TOPAZ1: variants seen among roughly 807,000 people sequenced by gnomAD.
TOPAZ1 encodes protein TOPAZ1.
Under a neutral mutation model 172.2 loss-of-function variants are expected in TOPAZ1, and 66 were observed. The observed-to-expected ratio is 0.38, with a 90% CI of 0.31 to 0.47. TOPAZ1 has a LOEUF of 0.47. Among genes scored for constraint, TOPAZ1 ranks in the 20% least tolerant of loss-of-function variants. The pLI is 0.99. For missense variants in TOPAZ1, 1,822 were observed against 1,972.4 expected (o/e 0.92, Z 1.44); for synonymous variants, 681 against 683.9 (o/e 1.00, Z 0.07).
intron 2 of TOPAZ1, among the ~76,000 whole-genome samples, chr3:44,254,671 C>T (rs1007221897): frequency 4.7e-5 from 7 of 149,776 alleles, no homozygotes; most frequent in African/African-American, 1.7e-4. Context: ...AACACTATCT[C>T]GTATTGGTGT....
chr3:44,288,533 A>G (rs1402940603), intron 11 of TOPAZ1, among the ~76,000 whole-genome samples: 3 of 152,048 alleles, frequency 2.0e-5, no homozygotes, highest in Admixed American at 2.0e-4. Context: ...AACACACAAA[A>G]AATTAGCCGG....
intron 12 of TOPAZ1, 88 bp from the exon 13 acceptor site, chr3:44,303,927 C>A: frequency 1.4e-6 from 1 of 714,782 alleles, no homozygotes; most frequent in Non-Finnish European, 2.2e-6. Flanking sequence ...CTTCTGGTTT[C>A]TTATAAACCA....
rs747375827 is a variant in TOPAZ1 at position 44,290,823 on chromosome 3, A to C, written c.3734A>C (p.Lys1245Thr). The C allele has an allele frequency of 1.8e-5, 28 of 1,550,612 alleles. No individual in the cohort carries two copies. The highest frequency in any genetic ancestry group is 2.1e-5 in the Non-Finnish European group (24 of 1,146,688). Residue 1245 changes from lysine to threonine, a missense_variant, in exon 12 of 20, where the codon AAG (lysine) becomes ACG (threonine). Coordinates refer to ENST00000309765, the MANE Select transcript of TOPAZ1 (RefSeq NM_001145030.2). ...LDPEHFNYIV[K>T]LLYQVQASKQ... ...CCAGAGCACTTTAACTATATTGTTA[A>C]GCTTTTATACCAAGTACAAGCTTCC...
At chr3:44,329,122 G>A (rs774514553) in intron 19 of TOPAZ1, among the ~76,000 whole-genome samples, 1 of 152,186 alleles carries the variant, frequency 6.6e-6, no homozygotes, top group Non-Finnish European at 1.5e-5. Flanking sequence ...AGATCCTCTG[G>A]TTGAATATTA....
At chr3:44,269,555 G>A (rs536745434) in intron 7 of TOPAZ1, among the ~76,000 whole-genome samples, 3 of 118,374 alleles carry the variant, frequency 2.5e-5, no homozygotes, top group East Asian at 5.2e-4. Context: ...GCATGATCTC[G>A]GCTCACTGCC....
chr3:44,315,372 CT>C (rs1035500005), intron 16 of TOPAZ1, among the ~76,000 whole-genome samples: 2 of 148,852 alleles, frequency 1.3e-5, no homozygotes, highest in South Asian at 2.1e-4. Flanking sequence ...TTTTCTTTCT[CT>C]TTTTTTTTTC....
chr3:44,329,117 C>G (rs1700635737), intron 19 of TOPAZ1, among the ~76,000 whole-genome samples: 1 of 152,154 alleles, frequency 6.6e-6, no homozygotes, highest in Non-Finnish European at 1.5e-5. Context: ...AAACCAGATC[C>G]TCTGGTTGAA....
chr3:44,308,577 G>A (rs187240000), intron 15 of TOPAZ1, among the ~76,000 whole-genome samples: 56 of 152,066 alleles, frequency 3.7e-4, no homozygotes, highest in Admixed American at 1.8e-3. Context: ...GAATAGTGCC[G>A]CAATAAACAT....
chr3:44,308,051 A>G (rs1316831436), intron 15 of TOPAZ1, among the ~76,000 whole-genome samples: 2 of 152,162 alleles, frequency 1.3e-5, no homozygotes, highest in African/African-American at 4.8e-5. Flanking sequence ...AGGCGGGGGC[A>G]TCACTTGAGG....
chr3:44,281,760 A>G (rs527576379), intron 8 of TOPAZ1, among the ~76,000 whole-genome samples: 14 of 152,348 alleles, frequency 9.2e-5, no homozygotes, highest in African/African-American at 2.6e-4. Context: ...GCACCAGCAA[A>G]TGGTTATTTA....
chr3:44,273,693 G>A (rs1699922295), intron 8 of TOPAZ1, among the ~76,000 whole-genome samples: 1 of 152,034 alleles, frequency 6.6e-6, no homozygotes, highest in Non-Finnish European at 1.5e-5. Flanking sequence ...ATAATATGTG[G>A]CAAGAAAAGA....
intron 8 of TOPAZ1, among the ~76,000 whole-genome samples, chr3:44,276,624 CTTTTTTTTTTT>C (rs762865769): frequency 1.1e-3 from 26 of 24,114 alleles, no homozygotes; most frequent in African/African-American, 4.7e-3. Context: ...CAGCTTTGTT[CTTTTTTTTTTT>C]TTTTTTTTTT....
At chr3:44,279,958 C>G (rs2125690238) in intron 8 of TOPAZ1, among the ~76,000 whole-genome samples, 1 of 152,168 alleles carries the variant, frequency 6.6e-6, no homozygotes, top group Admixed American at 6.5e-5. Flanking sequence ...TGTTTGTATG[C>G]TCTGCTTTAT....
intron 18 of TOPAZ1, among the ~76,000 whole-genome samples, chr3:44,325,824 G>T (rs1700594325): frequency 6.6e-6 from 1 of 152,058 alleles, no homozygotes; most frequent in Admixed American, 6.6e-5. Context: ...TGTATTTTTA[G>T]TAGAGATGGG....
intron 16 of TOPAZ1, among the ~76,000 whole-genome samples, chr3:44,311,572 C>G (rs1437938733): frequency 6.6e-6 from 1 of 152,106 alleles, no homozygotes; most frequent in Non-Finnish European, 1.5e-5. Context: ...TTTAGACTAA[C>G]TTTAAACTTC....
chr3:44,247,228 A>G (rs1699576996), intron 2 of TOPAZ1, among the ~76,000 whole-genome samples: 1 of 152,208 alleles, frequency 6.6e-6, no homozygotes, highest in Non-Finnish European at 1.5e-5. Context: ...TTTAGTAAAA[A>G]TGCTAAAGAA....
intron 4 of TOPAZ1, among the ~76,000 whole-genome samples, chr3:44,257,403 GTGTGTCTATTTTATA>G: frequency 1.2e-5 from 1 of 84,228 alleles, no homozygotes; most frequent in African/African-American, 5.0e-5. Context: ...GTGTGTGTGT[GTGTGTCTATTTTATA>G]TATTTTATAT....
rs1338683898 is a variant in TOPAZ1 at position 44,290,792 on chromosome 3, C to G, written c.3703C>G (p.Leu1235Val). Residue 1235 changes from leucine (L) to valine (V), a missense_variant, in exon 12 of 20, where the codon CTT (leucine) becomes GTT (valine). Physicochemically the swap from Leu to Val is conservative, Grantham distance 32. Transcript: ENST00000309765. ...FCKLVEAGMV[L>V]DPEHFNYIVK... is the part of the protein sequence containing the mutation. ...ACAGCTTGTTGAAGCCGGGATGGTG[C>G]TTGACCCAGAGCACTTTAACTATAT... The G allele has an allele frequency of 6.5e-7, 1 of 1,547,990 alleles. No homozygotes were observed. Among genetic ancestry groups the G allele is most frequent in the South Asian group, 1.2e-5 (1 of 83,274 alleles).
chr3:44,251,109 T>A (rs541684352), intron 2 of TOPAZ1, among the ~76,000 whole-genome samples: 3 of 151,688 alleles, frequency 2.0e-5, no homozygotes, highest in East Asian at 1.9e-4. Flanking sequence ...ACATTCTGAA[T>A]TTTTTTCTCT....
Sources: allele counts gnomAD v4.1 joint callset (sites outside exome capture counted in the v4.1 genomes callset), GRCh38; gene constraint gnomAD v4.1.1; transcripts MANE v1.5; gene names NCBI Gene and HGNC (gene_info 2026-07-23, HGNC 2026-07-21).